Variants in IQGAP3 observed in about 807,000 individuals in gnomAD.
The protein encoded by IQGAP3 is ras GTPase-activating-like protein IQGAP3.
A neutral mutation model predicts 208.2 loss-of-function variants in IQGAP3; 165 were observed. The observed-to-expected ratio is 0.79, with a 90% confidence interval of 0.70 to 0.90. The LOEUF is 0.90. IQGAP3 is among the 40% of genes least tolerant of loss of function. The pLI is 0.00. For synonymous variants in IQGAP3, 703 were observed against 803.6 expected (o/e 0.87, Z 2.12); for missense variants, 1,811 against 2,043.1 (o/e 0.89, Z 2.19).
intron 13 of IQGAP3, among the ~76,000 whole-genome samples, chr1:156,553,374 T>C (rs1454311266): frequency 6.6e-6 from 1 of 152,180 alleles, no homozygotes; most frequent in Non-Finnish European, 1.5e-5. Context: ...GAACACACCA[T>C]GCACATTGCT....
chr1:156,548,653 C>T lies in IQGAP3; in HGVS notation c.1921G>A (p.Gly641Arg). The T allele has an allele frequency of 6.2e-7, 1 of 1,612,494 alleles. No homozygotes were observed. The highest frequency in any genetic ancestry group is 1.3e-5 in the African/African-American group (1 of 75,014). ...CCGTTGGCACAGTCGGGAACTACCCCTCGAAGGGCCACTGCGGGGTTCCTC... is the reference window on the plus strand; with the variant it reads ...CCGTTGGCACAGTCGGGAACTACCCTTCGAAGGGCCACTGCGGGGTTCCTC... ...VLRNPAVALR[G>R]VVPDCANGYQ... Residue 641 changes from glycine to arginine, a missense_variant, in exon 17 of 38, where the codon GGG becomes AGG. Physicochemically the swap from Gly to Arg is moderately radical, Grantham distance 125 (BLOSUM62 -2). Transcript: ENST00000361170.
At chr1:156,569,659 C>G (rs1676559121) in intron 1 of IQGAP3, among the ~76,000 whole-genome samples, 196 bp from the exon 2 acceptor site, 1 of 149,334 alleles carries the variant, frequency 6.7e-6, no homozygotes, top group African/African-American at 2.5e-5. Context: ...GCTGGGACTA[C>G]AGGCGCCCGC....
chr1:156,541,366 T>C (rs1051132232), intron 22 of IQGAP3, among the ~76,000 whole-genome samples: 2 of 152,062 alleles, frequency 1.3e-5, no homozygotes, highest in Non-Finnish European at 1.5e-5. Flanking sequence ...CTGTCAGGAA[T>C]GTCTGTACAC....
In IQGAP3 at chr1:156,532,962, G is replaced by A. The variant is rs1285734200; in HGVS notation, c.4103+18C>T. On this transcript the variant is annotated intron_variant, in intron 32 of 37. Transcript: ENST00000361170. ...TGGGGAGCTCAGGTATGCAGGGGCAGAGGCTGGCATCACCCACCTCAGAAG... is the reference window on the plus strand; with the variant it reads ...TGGGGAGCTCAGGTATGCAGGGGCAAAGGCTGGCATCACCCACCTCAGAAG... 6.2e-7 allele frequency: 1 copy of A among 1,613,562 alleles called. No individual in the cohort carries two copies. Among genetic ancestry groups the A allele is most frequent in the Non-Finnish European group, 8.5e-7 (1 of 1,179,768 alleles).
At position 156,540,715 on chromosome 1, in the gene IQGAP3, G is replaced by A; in HGVS notation, c.2732C>T (p.Thr911Ile). The A allele has an allele frequency of 6.2e-7, 1 of 1,613,924 alleles. No individual in the cohort carries two copies. The highest frequency in any genetic ancestry group is 8.5e-7 in the Non-Finnish European group (1 of 1,179,926). The change falls in exon 23 of 38, where the codon ACT becomes ATT. Residue 911 changes from threonine (T) to isoleucine (I), a missense_variant. By Grantham distance (89) the Thr-to-Ile change is moderately conservative. Transcript: ENST00000361170. ...GACTGGTGGGCCCCATACCTGCAGA[G>A]TGATCCGGTTCTTCACCAGCAGGCC... Reference protein sequence around the residue: ...KIGLLVKNRITLQEVVSHCKK... With the variant: ...KIGLLVKNRIILQEVVSHCKK...
rs1194497464 is a variant in IQGAP3, at chr1:156,552,016, T to G, written c.1528A>C (p.Thr510Pro). 1 of 1,614,178 alleles carries G rather than the reference T, an allele frequency of 6.2e-7. No individual in the cohort carries two copies. Among genetic ancestry groups the G allele is most frequent in the South Asian group, 1.1e-5 (1 of 91,076 alleles). The change falls in exon 14 of 38, where the codon ACC (threonine) becomes CCC (proline). Residue 510 changes from threonine (T) to proline (P), a missense_variant. Thr to Pro is a conservative substitution (Grantham distance 38). Coordinates refer to ENST00000361170, the MANE Select transcript of IQGAP3 (RefSeq NM_178229.5). ...DFLSWNDLQATVSQVNAQTQE... is the reference protein window; with the variant it reads ...DFLSWNDLQAPVSQVNAQTQE... ...GTCTGTGCATTGACCTGGCTCACGG[T>G]GGCCTGCAGGTCATTCCAGCTCAGG...
At chr1:156,547,388 G>GACACACAGACACAC in intron 19 of IQGAP3, among the ~76,000 whole-genome samples, 1 of 147,430 alleles carries the variant, frequency 6.8e-6, no homozygotes, top group African/African-American at 2.5e-5. Flanking sequence ...CAGACACACA[G>GACACACAGACACAC]ACACACACAC....
intron 21 of IQGAP3, 30 bp downstream of exon 21, chr1:156,544,122 T>C (rs773394889): frequency 9.9e-6 from 16 of 1,613,692 alleles, no homozygotes; most frequent in Middle Eastern, 1.6e-4. Flanking sequence ...AGGTTGGGTA[T>C]GTGGGCAGGG....
chr1:156,536,985 G>A (rs1229238832), intron 27 of IQGAP3, 196 bp downstream of exon 27: 5 of 491,724 alleles, frequency 1.0e-5, no homozygotes, highest in South Asian at 3.8e-5. Context: ...AGACTTGCAC[G>A]CCGTCTCTCA....
chr1:156,554,786 A>C (rs1675743876), intron 12 of IQGAP3, among the ~76,000 whole-genome samples: 1 of 152,202 alleles, frequency 6.6e-6, no homozygotes, highest in South Asian at 2.1e-4. Flanking sequence ...AGCCGGGTGC[A>C]GTGGCTCACA....
rs1557945081 is a variant in IQGAP3 at position 156,563,295 on chromosome 1, C to A, written c.637G>T (p.Ala213Ser). Residue 213 changes from alanine to serine, a missense_variant, in exon 8 of 38, where the codon GCC becomes TCC. By Grantham distance (99) the Ala-to-Ser change is moderately conservative. Coordinates refer to ENST00000361170, the MANE Select transcript of IQGAP3 (RefSeq NM_178229.5). ...DEAAVHAAVL[A>S]INEAVERGVV... ...CCTCGCTCCACTGCTTCATTGATGGCAAGAACAGCTGCATGGACTGGGAGA... is the reference window on the plus strand; with the variant it reads ...CCTCGCTCCACTGCTTCATTGATGGAAAGAACAGCTGCATGGACTGGGAGA... 1.2e-6 allele frequency: 2 copies of A among 1,602,986 alleles called. No homozygotes were observed. Among genetic ancestry groups the A allele is most frequent in the East Asian group, 2.2e-5 (1 of 44,584 alleles).
chr1:156,526,269 A>G lies in IQGAP3; in HGVS notation c.*217T>C, dbSNP rs113617071. 1.3e-5 allele frequency: 7 copies of G among 554,494 alleles called. No homozygotes were observed. The highest frequency in any genetic ancestry group is 4.5e-5 in the South Asian group (2 of 44,180). The allele number at this position is 554,494 out of a possible 1,614,324, so 34.3% of individuals were successfully genotyped here. On this transcript the variant is annotated 3_prime_UTR_variant, in exon 38 of 38. Transcript: ENST00000361170. ...GTTTGTCATGCATGATAAAAGCCACACAGCTGGACTCTGGGCAAGGCCCAC... is the reference window on the plus strand; with the variant it reads ...GTTTGTCATGCATGATAAAAGCCACGCAGCTGGACTCTGGGCAAGGCCCAC...
chr1:156,550,473 T>G, intron 15 of IQGAP3, 122 bp from the exon 16 acceptor site: 1 of 691,656 alleles, frequency 1.4e-6, no homozygotes, highest in Non-Finnish European at 2.6e-6. Flanking sequence ...GACAGTGATC[T>G]CCACTCAGCT....
At chr1:156,533,240 TC>T in intron 31 of IQGAP3, 134 bp from the exon 32 acceptor site, 1 of 1,173,054 alleles carries the variant, frequency 8.5e-7, no homozygotes, top group Non-Finnish European at 1.2e-6. Context: ...CAGGAAGTTT[TC>T]CCACACTGGC....
intron 32 of IQGAP3, among the ~76,000 whole-genome samples, chr1:156,532,592 A>G (rs1674462715): frequency 6.6e-6 from 1 of 152,046 alleles, no homozygotes; most frequent in Admixed American, 6.6e-5. Context: ...CAATCCTGTA[A>G]TCCTAGCACT....
chr1:156,569,341 A>G, intron 2 of IQGAP3, 35 bp downstream of exon 2: 1 of 1,400,764 alleles, frequency 7.1e-7, no homozygotes, highest in South Asian at 1.2e-5. Flanking sequence ...AGAAAGGGAG[A>G]GCAGAAAGAG....
At chr1:156,531,106 G>C in intron 33 of IQGAP3, 54 bp downstream of exon 33, 2 of 1,236,324 alleles carry the variant, frequency 1.6e-6, no homozygotes, top group South Asian at 2.4e-5. Context: ...GGTGCAGGTG[G>C]GATGAGGTGG....
At chr1:156,571,657 A>G (rs1000944129) in intron 1 of IQGAP3, among the ~76,000 whole-genome samples, 14 of 152,348 alleles carry the variant, frequency 9.2e-5, no homozygotes, top group African/African-American at 2.9e-4. Flanking sequence ...GATTTTGTAC[A>G]TACACATGCT....
intron 27 of IQGAP3, chr1:156,536,811 AAG>A (rs1188599052): frequency 1.2e-5 from 2 of 164,154 alleles, no homozygotes; most frequent in African/African-American, 4.8e-5. Context: ...ATTTTAAGAA[AAG>A]AGAGAACTAT....
Sources: allele counts gnomAD v4.1 joint callset (sites outside exome capture counted in the v4.1 genomes callset), GRCh38; gene constraint gnomAD v4.1.1; transcripts MANE v1.5; gene names NCBI Gene and HGNC (gene_info 2026-07-23, HGNC 2026-07-21).